TCF12: variants seen among roughly 807,000 people sequenced by gnomAD.
TCF12 encodes the protein transcription factor 12.
TCF12 carries 45 observed loss-of-function variants against 86.0 expected under a neutral mutation model. The observed-to-expected ratio is 0.52, with a 90% CI of 0.41 to 0.67. The LOEUF (loss-of-function observed/expected upper bound fraction) is 0.67. Ranked by LOEUF, TCF12 falls within the 30% of genes least tolerant of loss-of-function variation. TCF12 has a pLI of 0.00. For missense variants in TCF12, 881 were observed against 859.9 expected (o/e 1.02, Z -0.31); for synonymous variants, 330 against 299.6 (o/e 1.10, Z -1.05).
intron 8 of TCF12, among the ~76,000 whole-genome samples, chr15:57,210,353 C>CG (rs2058050912): frequency 6.6e-6 from 1 of 151,330 alleles, no homozygotes; most frequent in Non-Finnish European, 1.5e-5. Context: ...AAGATAGCTA[C>CG]ATAACTGTAT....
At chr15:56,979,189 C>G (rs1210774491) in intron 3 of TCF12, among the ~76,000 whole-genome samples, 1 of 152,114 alleles carries the variant, frequency 6.6e-6, no homozygotes, top group Non-Finnish European at 1.5e-5. Flanking sequence ...GCTTTACATT[C>G]TGAAAATTGA....
chr15:57,247,199 C>A (rs1373434659), intron 13 of TCF12: 3 of 609,444 alleles, frequency 4.9e-6, no homozygotes, highest in South Asian at 1.6e-5. Context: ...ATAGCCCCCT[C>A]TACTACTGTA....
At chr15:57,244,585 G>T (rs1566975850) in intron 13 of TCF12, among the ~76,000 whole-genome samples, 1 of 151,990 alleles carries the variant, frequency 6.6e-6, no homozygotes, top group Non-Finnish European at 1.5e-5. Flanking sequence ...TCAGCTTCCC[G>T]AGTAGCTGGG....
intron 3 of TCF12, among the ~76,000 whole-genome samples, chr15:56,945,840 C>A (rs2060970840): frequency 6.6e-6 from 1 of 152,132 alleles, no homozygotes; most frequent in Admixed American, 6.5e-5. Flanking sequence ...AAGTCATAAT[C>A]TCAGGAGTGC....
chr15:57,038,235 C>A (rs2066640642), intron 3 of TCF12, among the ~76,000 whole-genome samples: 1 of 151,814 alleles, frequency 6.6e-6, no homozygotes, highest in Non-Finnish European at 1.5e-5. Context: ...AGTTTGAGAC[C>A]AACCTGGGCA....
intron 6 of TCF12, among the ~76,000 whole-genome samples, chr15:57,170,705 AATATATAATATATATATTATATAT>A: frequency 2.7e-5 from 1 of 36,760 alleles, no homozygotes; most frequent in South Asian, 6.8e-4. Flanking sequence ...TATTATATAT[AATATATAATATATATATTATATAT>A]TATATATAAT....
At chr15:56,931,038 T>G (rs1242980861) in intron 3 of TCF12, among the ~76,000 whole-genome samples, 1 of 152,274 alleles carries the variant, frequency 6.6e-6, no homozygotes, top group Non-Finnish European at 1.5e-5. Flanking sequence ...TATGGAGATC[T>G]GTCTCTCTCT....
chr15:56,963,563 A>T (rs1179371786), intron 3 of TCF12, among the ~76,000 whole-genome samples: 1 of 152,048 alleles, frequency 6.6e-6, no homozygotes, highest in East Asian at 1.9e-4. Context: ...GAGTGTTTTG[A>T]GATATGTGAA....
intron 5 of TCF12, among the ~76,000 whole-genome samples, chr15:57,096,098 G>C (rs1401366315): frequency 3.3e-5 from 5 of 152,038 alleles, no homozygotes; most frequent in Non-Finnish European, 5.9e-5. Context: ...TTTTTTACTA[G>C]CTCAGCATTT....
chr15:57,133,758 G>C (rs1312149317), intron 5 of TCF12, among the ~76,000 whole-genome samples: 3 of 151,618 alleles, frequency 2.0e-5, no homozygotes, highest in Non-Finnish European at 4.4e-5. Context: ...TGCTTACCTT[G>C]CCTTTTGTAA....
chr15:57,050,814 A>AT (rs1343757672), intron 3 of TCF12, among the ~76,000 whole-genome samples: 6 of 151,730 alleles, frequency 4.0e-5, no homozygotes, highest in Non-Finnish European at 8.8e-5. Flanking sequence ...ATCCAGTGAA[A>AT]TTTTCATTTC....
intron 3 of TCF12, among the ~76,000 whole-genome samples, chr15:57,008,950 A>G (rs1359877213): frequency 1.3e-5 from 2 of 152,200 alleles, no homozygotes; most frequent in East Asian, 1.9e-4. Flanking sequence ...AGCAAAGTCA[A>G]CTTGTGTTGA....
intron 17 of TCF12, 152 bp downstream of exon 17, chr15:57,262,360 C>T: frequency 1.6e-6 from 1 of 641,256 alleles, no homozygotes; most frequent in Non-Finnish European, 2.7e-6. Flanking sequence ...TTTAGGGTTC[C>T]AACTGGCCCA....
chr15:57,212,547 G>C (rs1276322707), intron 8 of TCF12, among the ~76,000 whole-genome samples: 1 of 152,080 alleles, frequency 6.6e-6, no homozygotes, highest in East Asian at 1.9e-4. Context: ...CAAAGTGGTA[G>C]TATTACAGGC....
chr15:57,246,366 A>G (rs2059859182), intron 13 of TCF12, among the ~76,000 whole-genome samples: 1 of 152,194 alleles, frequency 6.6e-6, no homozygotes, highest in East Asian at 1.9e-4. Flanking sequence ...TGTATCAGTT[A>G]GGATGCTTTA....
intron 19 of TCF12, among the ~76,000 whole-genome samples, chr15:57,280,428 T>C (rs1449447346): frequency 6.6e-6 from 1 of 152,206 alleles, no homozygotes; most frequent in Non-Finnish European, 1.5e-5. Context: ...AAATTAGAAC[T>C]CTAAAATGAA....
chr15:57,211,340 G>A (rs1415086610), intron 8 of TCF12, among the ~76,000 whole-genome samples: 2 of 152,084 alleles, frequency 1.3e-5, no homozygotes, highest in African/African-American at 4.8e-5. Flanking sequence ...TGAGGTGGGA[G>A]GATTGCTTGA....
At chr15:56,977,999 T>G (rs551615971) in intron 3 of TCF12, among the ~76,000 whole-genome samples, 8 of 152,250 alleles carry the variant, frequency 5.3e-5, no homozygotes, top group Non-Finnish European at 1.2e-4. Context: ...TGCACAATAA[T>G]TAAAAAAATT....
chr15:57,043,129 A>G (rs896476998), intron 3 of TCF12, among the ~76,000 whole-genome samples: 1 of 151,978 alleles, frequency 6.6e-6, no homozygotes, highest in Non-Finnish European at 1.5e-5. Context: ...TGTGTACCAC[A>G]TTTTCTTTAT....
Sources: allele counts gnomAD v4.1 joint callset (sites outside exome capture counted in the v4.1 genomes callset), GRCh38; gene constraint gnomAD v4.1.1; transcripts MANE v1.5; gene names NCBI Gene and HGNC (gene_info 2026-07-23, HGNC 2026-07-21).